CSMD1: variants seen among roughly 807,000 people sequenced by gnomAD.
CSMD1 encodes the protein CUB and Sushi multiple domains 1.
A neutral mutation model predicts 417.5 loss-of-function variants in CSMD1; 213 were observed. The ratio of observed to expected loss-of-function variants is 0.51; its 90% CI spans 0.46 to 0.57. CSMD1 has a LOEUF of 0.57. CSMD1 is among the 20% of genes least tolerant of loss of function. The probability of loss-of-function intolerance (pLI) is 0.00; values close to 1 mark genes in which losing one functional copy is unlikely to be tolerated. For synonymous variants in CSMD1, 2,862 were observed against 1,736.8 expected (o/e 1.65, Z -16.11); for missense variants, 6,923 against 4,529.7 (o/e 1.53, Z -15.17).
chr8:3,252,273 G>T (rs1031245522), intron 26 of CSMD1, among the ~76,000 whole-genome samples: 1 of 152,104 alleles, frequency 6.6e-6, no homozygotes, highest in South Asian at 2.1e-4. Flanking sequence ...TAGAATGAAG[G>T]GCTGTTGAAT....
At chr8:3,754,623 T>C (rs978874717) in intron 5 of CSMD1, among the ~76,000 whole-genome samples, 2 of 152,084 alleles carry the variant, frequency 1.3e-5, no homozygotes, top group Non-Finnish European at 2.9e-5. Context: ...CCTGGCTACT[T>C]TTTATATTTT....
At chr8:3,602,893 T>A (rs902610094) in intron 8 of CSMD1, among the ~76,000 whole-genome samples, 1 of 152,206 alleles carries the variant, frequency 6.6e-6, no homozygotes. Flanking sequence ...CAAATTAATA[T>A]AGGCTCAAGT....
intron 18 of CSMD1, among the ~76,000 whole-genome samples, chr8:3,386,937 C>T (rs188736371): frequency 1.1e-3 from 161 of 152,230 alleles, no homozygotes; most frequent in African/African-American, 3.7e-3. Flanking sequence ...ACAAAATAAT[C>T]AGGAATGTTA....
At position 4,117,511 on chromosome 8, in the gene CSMD1, C is replaced by G. The variant is rs115936372; in HGVS notation, c.416-85412G>C. 3.8e-3 allele frequency among the ~76,000 whole-genome samples: 579 copies of G among 152,294 alleles called. 1 individual carries two copies. Among genetic ancestry groups the G allele is most frequent in the African/African-American group, 0.014 (563 of 41,568 alleles). ...TGTGCTATAAATCATCTCCCTCCGACCAACTCTCTCGGCAGCCTATTATAA... is the reference window on the plus strand; with the variant it reads ...TGTGCTATAAATCATCTCCCTCCGAGCAACTCTCTCGGCAGCCTATTATAA... On this transcript the variant is annotated intron_variant, in intron 3 of 69. Coordinates refer to ENST00000635120, the MANE Select transcript of CSMD1 (RefSeq NM_033225.6).
chr8:3,027,582 A>T (rs750879162), intron 51 of CSMD1, among the ~76,000 whole-genome samples: 9 of 152,244 alleles, frequency 5.9e-5, no homozygotes, highest in Non-Finnish European at 8.8e-5. Flanking sequence ...ATGACATTCA[A>T]GGGACAAATA....
At chr8:4,021,471 C>T (rs566202743) in intron 4 of CSMD1, among the ~76,000 whole-genome samples, 5 of 152,120 alleles carry the variant, frequency 3.3e-5, no homozygotes, top group African/African-American at 7.2e-5. Flanking sequence ...GTTGGTTAAG[C>T]GTGTGGCAGT....
rs558195573 is a variant in CSMD1 at position 4,340,076 on chromosome 8, G to C, written c.415+79877C>G. ...ATGTTTTAGGACTGACTCTGGTAAC[G>C]TAAGTATTAGAGAAATTAGAGTTAA... On this transcript the variant is annotated intron_variant, in intron 3 of 69. Coordinates refer to ENST00000635120, the MANE Select transcript of CSMD1 (RefSeq NM_033225.6). 5.3e-5 allele frequency among the ~76,000 whole-genome samples: 8 copies of C among 152,158 alleles called. No individual in the cohort carries two copies. The East Asian group carries it at 5.8e-4, about 11-fold the overall frequency.
At chr8:4,870,792 G>C (rs1802691219) in intron 1 of CSMD1, among the ~76,000 whole-genome samples, 2 of 152,092 alleles carry the variant, frequency 1.3e-5, no homozygotes, top group South Asian at 2.1e-4. Context: ...CTCGGAAAAT[G>C]CCACCGAGGA....
chr8:4,573,679 G>A (rs1024268657), intron 2 of CSMD1, among the ~76,000 whole-genome samples: 7 of 152,124 alleles, frequency 4.6e-5, no homozygotes, highest in African/African-American at 1.4e-4. Context: ...TGTCTTCAGA[G>A]CCAGCAGGCA....
At chr8:4,688,022 G>T (rs531743426) in intron 1 of CSMD1, among the ~76,000 whole-genome samples, 1 of 152,098 alleles carries the variant, frequency 6.6e-6, no homozygotes, top group Non-Finnish European at 1.5e-5. Context: ...TACCTACACT[G>T]TTCCATTTTT....
intron 27 of CSMD1, among the ~76,000 whole-genome samples, chr8:3,229,787 A>G (rs1798725746): frequency 6.6e-6 from 1 of 152,212 alleles, no homozygotes; most frequent in African/African-American, 2.4e-5. Flanking sequence ...ATGTTTATGT[A>G]ACATTTGTTA....
chr8:4,061,699 A>G (rs1024930948), intron 3 of CSMD1, among the ~76,000 whole-genome samples: 1 of 152,200 alleles, frequency 6.6e-6, no homozygotes, highest in Non-Finnish European at 1.5e-5. Context: ...TGATTTTTCA[A>G]GTATCTTACA....
At chr8:4,750,139 G>A (rs1405787656) in intron 1 of CSMD1, among the ~76,000 whole-genome samples, 1 of 152,122 alleles carries the variant, frequency 6.6e-6, no homozygotes, top group Non-Finnish European at 1.5e-5. Flanking sequence ...CCGAGTAGCT[G>A]GGACTACAGG....
intron 1 of CSMD1, among the ~76,000 whole-genome samples, chr8:4,886,076 C>T (rs1481786709): frequency 2.0e-5 from 3 of 152,040 alleles, no homozygotes; most frequent in African/African-American, 4.8e-5. Context: ...CTGCAACCTC[C>T]GTCTCCCAGG....
chr8:4,594,454 C>G (rs1203416247), intron 2 of CSMD1, among the ~76,000 whole-genome samples: 3 of 152,020 alleles, frequency 2.0e-5, no homozygotes, highest in Non-Finnish European at 2.9e-5. Flanking sequence ...CGCATCTCAG[C>G]CTCCCAAAGT....
At chr8:3,010,549 A>C (rs1341539678) in intron 52 of CSMD1, among the ~76,000 whole-genome samples, 1 of 151,994 alleles carries the variant, frequency 6.6e-6, no homozygotes, top group African/African-American at 2.4e-5. Flanking sequence ...CTCCGCATCT[A>C]TGCTGTTGCC....
intron 3 of CSMD1, among the ~76,000 whole-genome samples, chr8:4,144,765 C>G (rs773359628): frequency 6.6e-6 from 1 of 151,000 alleles, no homozygotes; most frequent in Non-Finnish European, 1.5e-5. Flanking sequence ...CATAGGAGAA[C>G]AGGAATGATG....
intron 55 of CSMD1, among the ~76,000 whole-genome samples, chr8:2,976,806 ACAGT>A (rs1804967070): frequency 6.6e-6 from 1 of 152,204 alleles, no homozygotes. Context: ...CTTTTAGTTA[ACAGT>A]CAATCTGATT....
intron 3 of CSMD1, among the ~76,000 whole-genome samples, chr8:4,316,615 C>G (rs1310738585): frequency 6.6e-6 from 1 of 151,886 alleles, no homozygotes; most frequent in East Asian, 1.9e-4. Flanking sequence ...ATCAGAGACA[C>G]CCGTGACAGA....
Sources: allele counts gnomAD v4.1 joint callset (sites outside exome capture counted in the v4.1 genomes callset), GRCh38; gene constraint gnomAD v4.1.1; transcripts MANE v1.5; gene names NCBI Gene and HGNC (gene_info 2026-07-23, HGNC 2026-07-21).